The following ADARB2 variants were observed in gnomAD, a reference collection of about 807,000 sequenced individuals.
ADARB2 encodes inactive double-stranded RNA-specific editase B2.
ADARB2 carries 25 observed loss-of-function variants against 62.2 expected under a neutral mutation model. The observed-to-expected ratio is 0.40, with a 90% CI of 0.29 to 0.56. The LOEUF is 0.56. ADARB2 is among the 20% of genes least tolerant of loss of function. The pLI is 0.43. For missense variants in ADARB2, 1,071 were observed against 1,077.4 expected (o/e 0.99, Z 0.08); for synonymous variants, 572 against 500.8 (o/e 1.14, Z -1.90).
At chr10:1,595,579 C>T (rs1833322509) in intron 1 of ADARB2, among the ~76,000 whole-genome samples, 1 of 152,206 alleles carries the variant, frequency 6.6e-6, no homozygotes, top group African/African-American at 2.4e-5. Context: ...CACCATGAGG[C>T]CAGACCCTGG....
chr10:1,569,747 T>C (rs1252327660), intron 1 of ADARB2, among the ~76,000 whole-genome samples: 1 of 152,084 alleles, frequency 6.6e-6, no homozygotes, highest in Admixed American at 6.5e-5. Flanking sequence ...AGAAATTATT[T>C]TCTAAAGTAT....
chr10:1,577,135 G>A (rs1440026325), intron 1 of ADARB2, among the ~76,000 whole-genome samples: 4 of 152,218 alleles, frequency 2.6e-5, no homozygotes, highest in Non-Finnish European at 5.9e-5. Context: ...ACACAGCAAG[G>A]AAAGAAGCCC....
rs773659582 is a variant in ADARB2, at chr10:1,477,699, G to A, written c.101-98539C>T. Among the ~76,000 whole-genome samples, 10 of 152,168 alleles carry A rather than the reference G, an allele frequency of 6.6e-5. No homozygotes were observed. Among genetic ancestry groups the A allele is most frequent in the South Asian group, 4.1e-4 (2 of 4,828 alleles). The stretch of plus-strand genomic sequence containing the variant: ...GTGCGCCTCTTTCCAGACGATAGGC[G>A]GGGTGCTTAATTTTCAGAGAATGCC... On this transcript the variant is annotated intron_variant, in intron 1 of 9. Coordinates refer to ENST00000381312, the MANE Select transcript of ADARB2 (RefSeq NM_018702.4). This position sits in a 1 kb window ranked among gnomAD's most constrained non-coding sequence, Gnocchi z 4.5.
intron 1 of ADARB2, among the ~76,000 whole-genome samples, chr10:1,576,065 GCC>G (rs1833012524): frequency 2.6e-5 from 2 of 76,840 alleles, no homozygotes; most frequent in African/African-American, 5.4e-5. Context: ...ACAGGAGGGG[GCC>G]CAGGGTCACA....
intron 8 of ADARB2, among the ~76,000 whole-genome samples, chr10:1,185,571 A>G (rs1319381399): frequency 6.6e-6 from 1 of 152,246 alleles, no homozygotes; most frequent in Non-Finnish European, 1.5e-5. Context: ...TGTGATCCTG[A>G]AACCGCACTG....
chr10:1,253,284 A>C (rs377275835), intron 4 of ADARB2, among the ~76,000 whole-genome samples: 2 of 152,230 alleles, frequency 1.3e-5, no homozygotes, highest in African/African-American at 4.8e-5. Flanking sequence ...CCCTTGCTAG[A>C]ATAACACACA....
At chr10:1,335,545 T>C (rs1045157861) in intron 3 of ADARB2, among the ~76,000 whole-genome samples, 1 of 150,388 alleles carries the variant, frequency 6.6e-6, no homozygotes, top group African/African-American at 2.5e-5. Flanking sequence ...AGGGAGGAAA[T>C]GATGGAGAGA....
chr10:1,489,847 T>C (rs1831598079), intron 1 of ADARB2, among the ~76,000 whole-genome samples: 1 of 152,126 alleles, frequency 6.6e-6, no homozygotes, highest in African/African-American at 2.4e-5. Flanking sequence ...TGGGTGTCTC[T>C]CTTGGGTGAA....
intron 2 of ADARB2, among the ~76,000 whole-genome samples, chr10:1,368,685 C>T (rs1053322690): frequency 1.3e-5 from 2 of 152,212 alleles, no homozygotes; most frequent in Non-Finnish European, 1.5e-5. Flanking sequence ...GGCAAGAATT[C>T]GTTCTCACAA....
intron 8 of ADARB2, among the ~76,000 whole-genome samples, chr10:1,191,372 G>A (rs1472045680): frequency 1.3e-5 from 2 of 152,216 alleles, no homozygotes; most frequent in Admixed American, 6.5e-5. Context: ...GGTGGCCTCC[G>A]TTGGGTAGGA....
chr10:1,248,727 A>G (rs1304749860), intron 4 of ADARB2, among the ~76,000 whole-genome samples: 2 of 152,238 alleles, frequency 1.3e-5, no homozygotes, highest in Non-Finnish European at 2.9e-5. Context: ...CTCTTTTCCT[A>G]TAAATGGCTA....
chr10:1,555,369 C>T (rs191910439), intron 1 of ADARB2, among the ~76,000 whole-genome samples: 1 of 152,322 alleles, frequency 6.6e-6, no homozygotes, highest in Non-Finnish European at 1.5e-5. Context: ...TGCAACCTCA[C>T]AAGCATCTTA....
At chr10:1,707,443 C>T (rs1479084720) in intron 1 of ADARB2, among the ~76,000 whole-genome samples, 1 of 152,280 alleles carries the variant, frequency 6.6e-6, no homozygotes, top group African/African-American at 2.4e-5. Context: ...GTGGTCTTCT[C>T]ACAAGCAGGC....
chr10:1,233,808 G>A lies in ADARB2; in HGVS notation c.1399C>T (p.Arg467Trp), dbSNP rs767557012. The change falls in exon 6 of 10, where the codon CGG (arginine) becomes TGG (tryptophan). Residue 467 changes from arginine (R) to tryptophan (W), a missense_variant. Arg to Trp is a moderately radical substitution (Grantham distance 101). Coordinates refer to ENST00000381312, the MANE Select transcript of ADARB2 (RefSeq NM_018702.4). ...AGCCGGTAGCCACCTTCTTTTAACC[G>A]CACGAATATCGATCGCTCTGAGTCC... ...REDSERSIFV[R>W]LKEGGYRLRE... 1.3e-5 allele frequency: 21 copies of A among 1,613,850 alleles called. No homozygotes were observed. The highest frequency in any genetic ancestry group is 1.7e-5 in the Admixed American group (1 of 59,972).
intron 1 of ADARB2, among the ~76,000 whole-genome samples, chr10:1,607,478 A>C (rs1489527908): frequency 6.6e-6 from 1 of 152,162 alleles, no homozygotes; most frequent in Non-Finnish European, 1.5e-5. Flanking sequence ...GCTGAGACAC[A>C]CGTTTGAGCC....
intron 4 of ADARB2, among the ~76,000 whole-genome samples, chr10:1,246,856 C>T (rs1410109672): frequency 6.6e-6 from 1 of 151,728 alleles, no homozygotes; most frequent in African/African-American, 2.4e-5. Context: ...TTAGTTTTTT[C>T]CAGTTCTGTG....
At chr10:1,253,586 T>G (rs1489047893) in intron 4 of ADARB2, among the ~76,000 whole-genome samples, 1 of 152,290 alleles carries the variant, frequency 6.6e-6, no homozygotes, top group East Asian at 1.9e-4. Context: ...GATAAAAAAC[T>G]GTGCAGTCTC....
chr10:1,353,105 G>GC (rs1401135420), intron 3 of ADARB2, among the ~76,000 whole-genome samples: 1 of 151,992 alleles, frequency 6.6e-6, no homozygotes, highest in Non-Finnish European at 1.5e-5. Flanking sequence ...GATTATTCAG[G>GC]CCCCCTCCCT....
chr10:1,737,015 AG>A lies in ADARB2; in HGVS notation c.100+35del, dbSNP rs764457498. ...GCCGGGGTGGAGAAGCCGGGGGTGA[AG>A]GGGGGCAGGGGCCGGCGCGCCACGC... On this transcript the variant is annotated intron_variant, in intron 1 of 9. Transcript: ENST00000381312. 173 of 1,602,882 alleles carry A rather than the reference AG, an allele frequency of 1.1e-4. 1 individual carries two copies. In the South Asian group the frequency reaches 1.8e-3, roughly 16 times the overall value.
Sources: allele counts gnomAD v4.1 joint callset (sites outside exome capture counted in the v4.1 genomes callset), GRCh38; gene constraint gnomAD v4.1.1; non-coding constraint Gnocchi (gnomAD v3.1); transcripts MANE v1.5; gene names NCBI Gene and HGNC (gene_info 2026-07-23, HGNC 2026-07-21).